MARCHF1: variants seen among roughly 807,000 people sequenced by gnomAD.
MARCHF1 encodes membrane associated ring-CH-type finger 1.
MARCHF1 carries 40 observed loss-of-function variants against 54.2 expected under a neutral mutation model. That is an observed-to-expected ratio of 0.74 (90% CI 0.57 to 0.96). The LOEUF (loss-of-function observed/expected upper bound fraction) is 0.96, where lower values mean the gene tolerates loss of function less well. MARCHF1 is among the 40% of genes least tolerant of loss of function. The pLI, the probability that MARCHF1 is intolerant of heterozygous loss-of-function variation, is 0.00. For synonymous variants in MARCHF1, 236 were observed against 236.3 expected, an observed-to-expected ratio of 1.00 and a Z score of 0.01; for missense variants, 586 against 656.5, an observed-to-expected ratio of 0.89 and a Z score of 1.17.
At chr4:163,863,087 G>A (rs138451616) in intron 3 of MARCHF1, among the ~76,000 whole-genome samples, 2 of 152,172 alleles carry the variant, frequency 1.3e-5, no homozygotes, top group African/African-American at 4.8e-5. Flanking sequence ...TGGTGGATAT[G>A]TCATCCTAAG....
chr4:164,263,770 A>T (rs1435450554), intron 1 of MARCHF1, among the ~76,000 whole-genome samples: 1 of 152,204 alleles, frequency 6.6e-6, no homozygotes, highest in African/African-American at 2.4e-5. Context: ...ATCATTAGAG[A>T]AATGCATATC....
In MARCHF1 at chr4:163,756,477, C is replaced by T. The variant is rs1023815996; in HGVS notation, c.112-55614G>A. Among the ~76,000 whole-genome samples the T allele has an allele frequency of 4.6e-5, 7 of 150,696 alleles. No homozygotes were observed. The East Asian group carries it at 1.2e-3, about 25-fold the overall frequency. ...CCCTGTCTCTATTAAAAAAAAAATACAAATTATTAGCTGGGCGTGGTGGCA... is the reference window on the plus strand; with the variant it reads ...CCCTGTCTCTATTAAAAAAAAAATATAAATTATTAGCTGGGCGTGGTGGCA... On this transcript the variant is annotated intron_variant, in intron 4 of 9. Transcript: ENST00000514618.
At chr4:163,895,333 T>C (rs968612900) in intron 3 of MARCHF1, among the ~76,000 whole-genome samples, 7 of 152,178 alleles carry the variant, frequency 4.6e-5, no homozygotes, top group African/African-American at 7.2e-5. Flanking sequence ...AACCCTCCTC[T>C]GAACAGGAAT....
intron 3 of MARCHF1, among the ~76,000 whole-genome samples, chr4:163,944,548 A>G (rs1421825924): frequency 6.6e-6 from 1 of 152,074 alleles, no homozygotes; most frequent in African/African-American, 2.4e-5. Context: ...CCAAGGCTGT[A>G]TTGGATCTGC....
chr4:163,968,622 C>T (rs1266724817), intron 3 of MARCHF1, among the ~76,000 whole-genome samples: 1 of 152,118 alleles, frequency 6.6e-6, no homozygotes, highest in Admixed American at 6.6e-5. Flanking sequence ...ACTTTATAAA[C>T]ACTTTCTGCT....
At chr4:164,249,718 T>A (rs1733068708) in intron 1 of MARCHF1, among the ~76,000 whole-genome samples, 1 of 147,014 alleles carries the variant, frequency 6.8e-6, no homozygotes, top group African/African-American at 2.5e-5. Flanking sequence ...TAAAAAAAAA[T>A]GACCCATGCA....
intron 3 of MARCHF1, among the ~76,000 whole-genome samples, chr4:163,891,498 G>C (rs1377986842): frequency 9.3e-5 from 14 of 151,262 alleles, no homozygotes; most frequent in Admixed American, 8.6e-4. Context: ...TTTCACAAAG[G>C]AGCACTTTTG....
chr4:163,888,039 A>G (rs1197228417), intron 3 of MARCHF1, among the ~76,000 whole-genome samples: 2 of 152,202 alleles, frequency 1.3e-5, no homozygotes, highest in Non-Finnish European at 2.9e-5. Context: ...GGACTATAGG[A>G]AAGTACTGAC....
chr4:164,076,558 A>C (rs1754985607), intron 2 of MARCHF1, among the ~76,000 whole-genome samples: 1 of 152,192 alleles, frequency 6.6e-6, no homozygotes, highest in Admixed American at 6.5e-5. Context: ...GGCAAGAAAA[A>C]TAAATAAAGG....
chr4:163,826,067 T>G (rs988202783), intron 4 of MARCHF1, among the ~76,000 whole-genome samples: 3 of 152,060 alleles, frequency 2.0e-5, no homozygotes, highest in African/African-American at 7.2e-5. Flanking sequence ...GCAACTTTTA[T>G]AGACCTCGAA....
intron 4 of MARCHF1, among the ~76,000 whole-genome samples, chr4:163,735,390 CATATT>C (rs774983526): frequency 2.0e-5 from 3 of 152,174 alleles, no homozygotes; most frequent in Non-Finnish European, 2.9e-5. Context: ...CAGTTTCTAA[CATATT>C]ATACAGTCAA....
intron 4 of MARCHF1, among the ~76,000 whole-genome samples, chr4:163,753,573 C>T (rs1746585747): frequency 6.6e-6 from 1 of 151,992 alleles, no homozygotes; most frequent in African/African-American, 2.4e-5. Context: ...CAAGACCAAA[C>T]CCTTAAACTC....
intron 5 of MARCHF1, among the ~76,000 whole-genome samples, chr4:163,615,417 T>G (rs1221567003): frequency 1.3e-5 from 2 of 151,974 alleles, no homozygotes; most frequent in African/African-American, 4.8e-5. Flanking sequence ...ATCAATAGTG[T>G]TTCCAAACCC....
chr4:163,703,322 T>C (rs1239464993), intron 4 of MARCHF1, among the ~76,000 whole-genome samples: 1 of 152,174 alleles, frequency 6.6e-6, no homozygotes, highest in East Asian at 1.9e-4. Context: ...ATTAAATCAT[T>C]CTCTGCCCAG....
chr4:164,352,445 G>A (rs1252112044), intron 1 of MARCHF1, among the ~76,000 whole-genome samples: 1 of 143,174 alleles, frequency 7.0e-6, no homozygotes, highest in African/African-American at 2.5e-5. Flanking sequence ...GAAGAGAGTG[G>A]GGGCCAATAT....
intron 1 of MARCHF1, among the ~76,000 whole-genome samples, chr4:164,347,482 A>C (rs1040935457): frequency 6.6e-6 from 1 of 152,136 alleles, no homozygotes; most frequent in Non-Finnish European, 1.5e-5. Flanking sequence ...TGTCAAATTC[A>C]ATGTTTATTT....
rs149232044 is a variant in MARCHF1, at chr4:163,770,277, T to C, written c.112-69414A>G. Among the ~76,000 whole-genome samples the C allele has an allele frequency of 7.5e-3, 1,149 of 152,210 alleles. 17 individuals carry two copies. Among genetic ancestry groups the C allele is most frequent in the African/African-American group, 0.026 (1,091 of 41,530 alleles). ...AACTTCCACATTGTTCAAGAGTCAA[T>C]TGTATATTTAAAATCCTCCCTTAAG... On this transcript the variant is annotated intron_variant, in intron 4 of 9. Transcript: ENST00000514618.
chr4:163,919,775 C>T (rs983198051), intron 3 of MARCHF1, among the ~76,000 whole-genome samples: 4 of 152,102 alleles, frequency 2.6e-5, no homozygotes, highest in African/African-American at 4.8e-5. Flanking sequence ...TTAACAGTAT[C>T]TTGGACTAAC....
chr4:164,160,429 A>G (rs1192174260), intron 1 of MARCHF1, among the ~76,000 whole-genome samples: 1 of 152,210 alleles, frequency 6.6e-6, no homozygotes, highest in African/African-American at 2.4e-5. Context: ...AAAATATGGT[A>G]TTATAATTTT....
Sources: allele counts gnomAD v4.1 joint callset (sites outside exome capture counted in the v4.1 genomes callset), GRCh38; gene constraint gnomAD v4.1.1; transcripts MANE v1.5; gene names NCBI Gene and HGNC (gene_info 2026-07-23, HGNC 2026-07-21).